Variants in POLR3A observed in about 807,000 individuals in gnomAD.
POLR3A encodes the protein RNA polymerase III subunit A.
POLR3A carries 112 observed loss-of-function variants against 152.8 expected under a neutral mutation model. The ratio of observed to expected loss-of-function variants is 0.73; its 90% CI spans 0.63 to 0.86. POLR3A has a LOEUF of 0.86. Ranked by LOEUF, POLR3A falls within the 40% of genes least tolerant of loss-of-function variation. The pLI is 0.00. For synonymous variants in POLR3A, 615 were observed against 652.1 expected, an observed-to-expected ratio of 0.94 and a Z score of 0.87; for missense variants, 1,385 against 1,743.1, an observed-to-expected ratio of 0.79 and a Z score of 3.66.
Position 77,980,261 on chromosome 10 carries a change from C to G in POLR3A, c.3904G>C (p.Gly1302Arg). 1 of 1,613,994 alleles carries G rather than the reference C, an allele frequency of 6.2e-7. No individual in the cohort carries two copies. The highest frequency in any genetic ancestry group is 8.5e-7 in the Non-Finnish European group (1 of 1,179,976). The part of the protein sequence containing the change: ...DLMTYKGEVL[G>R]ITRFGLAKMK... ...TTGGCCAGGCCAAACCTAGTGATGCCCAGGACTTCACCCTGCGTCAAGGGA... is the reference window on the plus strand; with the variant it reads ...TTGGCCAGGCCAAACCTAGTGATGCGCAGGACTTCACCCTGCGTCAAGGGA... Residue 1302 changes from glycine (G) to arginine (R), a missense_variant, in exon 30 of 31, where the codon GGC becomes CGC. Physicochemically the swap from Gly to Arg is moderately radical, Grantham distance 125. Transcript: ENST00000372371.
At chr10:78,015,915 A>G (rs1847519006) in intron 10 of POLR3A, among the ~76,000 whole-genome samples, 1 of 152,216 alleles carries the variant, frequency 6.6e-6, no homozygotes, top group Non-Finnish European at 1.5e-5. Flanking sequence ...TCTCACAATC[A>G]TAATCCCATA....
In POLR3A at chr10:78,020,502, A is replaced by C. The variant is rs183528550; in HGVS notation, c.1185+1044T>G. 2.0e-5 allele frequency among the ~76,000 whole-genome samples: 3 copies of C among 150,694 alleles called. No homozygotes were observed. The East Asian group carries it at 6.0e-4, about 30-fold the overall frequency. On this transcript the variant is annotated intron_variant, in intron 8 of 30. Transcript: ENST00000372371. ...GAGAGTCTGTCTCTTAAAAAAAAAAAACCAGGCCGGATGCGGTGGCTCATA... is the reference window on the plus strand; with the variant it reads ...GAGAGTCTGTCTCTTAAAAAAAAAACACCAGGCCGGATGCGGTGGCTCATA...
Position 78,019,180 on chromosome 10 carries a change from C to A in POLR3A, c.1271G>T (p.Arg424Ile), listed in dbSNP as rs1202633183. Residue 424 changes from arginine to isoleucine, a missense_variant, in exon 9 of 31, where the codon AGA (arginine) becomes ATA (isoleucine). By Grantham distance (97) the Arg-to-Ile change is moderately conservative. Transcript: ENST00000372371. ...VHPGANFIQQ[R>I]HTQMKRFLKY... ...AGATTACCTTTTCATCTGCGTATGT[C>A]TCTGCTGAATGAAGTTTGCTCCTGG... 3 of 1,612,642 alleles carry A rather than the reference C, an allele frequency of 1.9e-6. No homozygotes were observed. Among genetic ancestry groups the A allele is most frequent in the Admixed American group, 1.7e-5 (1 of 59,994 alleles).
rs1055757497 is a variant in POLR3A at position 78,025,905 on chromosome 10, T to A, written c.181-146A>T. 15 of 1,154,704 alleles carry A rather than the reference T, an allele frequency of 1.3e-5. No individual in the cohort carries two copies. In the Admixed American group the frequency reaches 2.4e-4, roughly 18 times the overall value. 71.5% of individuals were successfully genotyped at this position (1,154,704 alleles called of 1,614,324 possible). On this transcript the variant is annotated intron_variant, in intron 2 of 30. Coordinates refer to ENST00000372371, the MANE Select transcript of POLR3A (RefSeq NM_007055.4). ...GATCACTTCCTACTGTTTTTCTTTC[T>A]TTTCTAATTTTCATGACTCAGAATC...
chr10:77,982,277 G>C lies in POLR3A; in HGVS notation c.3636C>G (p.Ile1212Met), dbSNP rs751654135. Reference protein sequence around the residue: ...QGIPEVSRAVIHIDEQSGKEK... With the variant: ...QGIPEVSRAVMHIDEQSGKEK... ...CCTTTCCACTCTGCTCGTCAATGTG[G>C]ATGACAGCTCTGGACACCTCTGGAA... The change falls in exon 28 of 31, where the codon ATC becomes ATG. Residue 1212 changes from isoleucine (I) to methionine (M), a missense_variant. This residue lies in a region of POLR3A where 332 missense variants were observed against 400.1 expected (regional missense o/e 0.83). Coordinates refer to ENST00000372371, the MANE Select transcript of POLR3A (RefSeq NM_007055.4). The C allele has an allele frequency of 6.2e-7, 1 of 1,613,972 alleles. No individual in the cohort carries two copies. The highest frequency in any genetic ancestry group is 1.1e-5 in the South Asian group (1 of 91,072).
intron 28 of POLR3A, among the ~76,000 whole-genome samples, 167 bp downstream of exon 28, chr10:77,981,987 A>C (rs376243198): frequency 5.6e-5 from 8 of 142,250 alleles, no homozygotes; most frequent in Non-Finnish European, 9.1e-5. Flanking sequence ...TGCAGTGAGC[A>C]GAGATCACGC....
intron 23 of POLR3A, 106 bp downstream of exon 23, chr10:77,985,797 G>T: frequency 1.2e-6 from 1 of 830,654 alleles, no homozygotes; most frequent in Non-Finnish European, 2.1e-6. Context: ...TCAAATACTG[G>T]CAGTTAACAA....
At chr10:78,003,839 T>G (rs1847383518) in intron 16 of POLR3A, among the ~76,000 whole-genome samples, 1 of 151,250 alleles carries the variant, frequency 6.6e-6, no homozygotes, top group Admixed American at 6.6e-5. Flanking sequence ...GAGGCAGGGA[T>G]AATTGCTTGC....
intron 21 of POLR3A, 143 bp from the exon 22 acceptor site, chr10:77,986,302 G>C (rs907233119): frequency 1.4e-6 from 1 of 696,488 alleles, no homozygotes; most frequent in African/African-American, 1.8e-5. Flanking sequence ...ACCCAATCTG[G>C]ATACTGCTTC....
intron 15 of POLR3A, among the ~76,000 whole-genome samples, chr10:78,007,177 T>G (rs767845809): frequency 1.3e-5 from 2 of 152,190 alleles, no homozygotes; most frequent in African/African-American, 4.8e-5. Context: ...CCTTCAAAAT[T>G]CTGAGGGAAA....
intron 27 of POLR3A, 148 bp from the exon 28 acceptor site, chr10:77,982,466 G>T: frequency 1.1e-6 from 1 of 923,678 alleles, no homozygotes; most frequent in Non-Finnish European, 1.8e-6. Context: ...TTGTTCAGGG[G>T]ACTGCACCTC....
rs1302404160 is a variant in POLR3A, at chr10:77,993,332, G to A, written c.2652C>T (p.Ser884=). 8 of 1,613,618 alleles carry A rather than the reference G, an allele frequency of 5.0e-6. No homozygotes were observed. The East Asian group carries it at 1.8e-4, about 36-fold the overall frequency. Residue 884 remains serine (S), a synonymous_variant, in exon 20 of 31, where the codon TCC becomes TCT. Coordinates refer to ENST00000372371, the MANE Select transcript of POLR3A (RefSeq NM_007055.4). ...AGCTTCGGACTGTCAGATCATACTG[G>A]GAGCAAAGATCTTCAAGAGATTTGA... is the stretch of plus-strand genomic sequence containing the variant. The part of the protein sequence containing the change: ...RLVKSLEDLC[S]QYDLTVRSST...
Position 78,002,228 on chromosome 10 carries a change from G to A in POLR3A, c.2328C>T (p.Ser776=), listed in dbSNP as rs1311558061. Residue 776 remains serine (S), a synonymous_variant, in exon 17 of 31, where the codon AGC becomes AGT. Transcript: ENST00000372371. The part of the protein sequence containing the change: ...ACLRELDKSN[S]PLTMALCGSK... The stretch of plus-strand genomic sequence containing the variant: ...AGCCGCACAGAGCCATGGTGAGGGG[G>A]CTGTTGCTCTTGTCCAGCTCCCGGA... 1 of 1,598,604 alleles carries A rather than the reference G, an allele frequency of 6.3e-7. No homozygotes were observed. Among genetic ancestry groups the A allele is most frequent in the Admixed American group, 1.7e-5 (1 of 57,370 alleles).
At chr10:77,996,236 A>G (rs1237917950) in intron 19 of POLR3A, among the ~76,000 whole-genome samples, 1 of 152,218 alleles carries the variant, frequency 6.6e-6, no homozygotes, top group East Asian at 1.9e-4. Flanking sequence ...ACACCCTAAC[A>G]TCACAATTAA....
chr10:77,982,283 A>G lies in POLR3A; in HGVS notation c.3630T>C (p.Ala1210=), dbSNP rs1161908024. The change falls in exon 28 of 31, where the codon GCT becomes GCC. Residue 1210 remains alanine (A), a synonymous_variant. Coordinates refer to ENST00000372371, the MANE Select transcript of POLR3A (RefSeq NM_007055.4). ...VVQGIPEVSR[A]VIHIDEQSGK... is the part of the protein sequence containing the mutation. ...CACTCTGCTCGTCAATGTGGATGAC[A>G]GCTCTGGACACCTCTGGAATGCCCT... 1.2e-6 allele frequency: 2 copies of G among 1,613,992 alleles called. No homozygotes were observed. Among genetic ancestry groups the G allele is most frequent in the Admixed American group, 1.7e-5 (1 of 60,006 alleles).
At chr10:78,020,486 T>C (rs1482732108) in intron 8 of POLR3A, among the ~76,000 whole-genome samples, 1 of 144,414 alleles carries the variant, frequency 6.9e-6, no homozygotes, top group Non-Finnish European at 1.5e-5. Flanking sequence ...CGAGAGTCTG[T>C]CTCTTAAAAA....
intron 5 of POLR3A, among the ~76,000 whole-genome samples, chr10:78,022,737 G>A (rs1589318416): frequency 6.6e-6 from 1 of 152,316 alleles, no homozygotes; most frequent in East Asian, 1.9e-4. Flanking sequence ...AAGTTGGAAA[G>A]AGCCTGACAG....
Position 77,976,878 on chromosome 10 carries a change from A to T in POLR3A, c.*600T>A, listed in dbSNP as rs1383600056. 1.3e-5 allele frequency: 2 copies of T among 154,182 alleles called. No individual in the cohort carries two copies. The allele number at this position is 154,182 out of a possible 1,614,324, so 9.6% of individuals were successfully genotyped here. On this transcript the variant is annotated 3_prime_UTR_variant, in exon 31 of 31. Transcript: ENST00000372371. Reference sequence around the variant, plus strand: ...CCAGACGGCTCTATTTGCTTAAACCAGTTTTTCCAGTGACGCTTACATGCT... The same window carrying T: ...CCAGACGGCTCTATTTGCTTAAACCTGTTTTTCCAGTGACGCTTACATGCT...
At chr10:78,023,428 C>G (rs1342955336) in intron 5 of POLR3A, among the ~76,000 whole-genome samples, 1 of 151,976 alleles carries the variant, frequency 6.6e-6, no homozygotes, top group Non-Finnish European at 1.5e-5. Flanking sequence ...CAACCGCACT[C>G]CAGCCTGGGT....
Sources: allele counts gnomAD v4.1 joint callset (sites outside exome capture counted in the v4.1 genomes callset), GRCh38; gene constraint gnomAD v4.1.1; regional missense constraint gnomAD v4.1.1; transcripts MANE v1.5; gene names NCBI Gene and HGNC (gene_info 2026-07-23, HGNC 2026-07-21).